Variants in ANKZF1 observed in about 807,000 individuals in gnomAD.
ANKZF1 encodes the protein tRNA endonuclease ANKZF1.
A neutral mutation model predicts 86.0 loss-of-function variants in ANKZF1; 84 were observed. The ratio of observed to expected loss-of-function variants is 0.98; its 90% CI spans 0.82 to 1.17. The LOEUF is 1.17. Among genes scored for constraint, ANKZF1 ranks in the 50% most tolerant of loss-of-function variants. ANKZF1 has a pLI of 0.00. For missense variants in ANKZF1, 893 were observed against 918.4 expected (o/e 0.97, Z 0.36); for synonymous variants, 331 against 354.2 (o/e 0.93, Z 0.74).
rs1950991889 is a variant in ANKZF1, at chr2:219,230,318, G to T, written c.61G>T (p.Ala21Ser). The change falls in exon 2 of 14, where the codon GCG becomes TCG. Residue 21 changes from alanine to serine, a missense_variant. Coordinates refer to ENST00000323348, the MANE Select transcript of ANKZF1 (RefSeq NM_018089.3). ...GTCGATCTCCCTGTTTGACCTCAGC[G>T]CGGATGCTCCGGTCTTTCAGGGCCT... ...PASISLFDLS[A>S]DAPVFQGLSL... is the part of the protein sequence containing the mutation. The T allele has an allele frequency of 3.7e-6, 6 of 1,614,008 alleles. No homozygotes were observed. The highest frequency in any genetic ancestry group is 5.1e-6 in the Non-Finnish European group (6 of 1,180,006).
At chr2:219,234,081 G>A (rs1309020837) in intron 8 of ANKZF1, 52 bp from the exon 9 acceptor site, 4 of 1,584,656 alleles carry the variant, frequency 2.5e-6, no homozygotes, top group African/African-American at 1.4e-5. Context: ...AGAGAAACCT[G>A]CGCTAGCTTC....
intron 5 of ANKZF1, 47 bp downstream of exon 5, chr2:219,232,730 C>A (rs1444205894): frequency 1.9e-6 from 3 of 1,572,252 alleles, no homozygotes; most frequent in South Asian, 2.3e-5. Context: ...CTTTTGTACA[C>A]CCAGCCTAGA....
rs376079232 is a variant in ANKZF1, at chr2:219,235,523, C to T, written c.1741C>T (p.Arg581Cys). 17 of 1,613,798 alleles carry T rather than the reference C, an allele frequency of 1.1e-5. No homozygotes were observed. Among genetic ancestry groups the T allele is most frequent in the South Asian group, 7.7e-5 (7 of 91,078 alleles). ...TACTGTTGCGGCTGACAAATCAACA[C>T]GTAATGAGTTCCGAAGGTTCATGGA... The part of the protein sequence containing the change: ...PYTVAADKST[R>C]NEFRRFMEKN... Residue 581 changes from arginine to cysteine, a missense_variant, in exon 11 of 14, where the codon CGT (arginine) becomes TGT (cysteine). Transcript: ENST00000323348.
chr2:219,233,126 A>C lies in ANKZF1; in HGVS notation c.606A>C (p.Arg202Ser). The change falls in exon 6 of 14, where the codon AGA becomes AGC. Residue 202 changes from arginine to serine, a missense_variant. Arg to Ser is a moderately radical substitution (Grantham distance 110, BLOSUM62 -1). Coordinates refer to ENST00000323348, the MANE Select transcript of ANKZF1 (RefSeq NM_018089.3). The stretch of plus-strand genomic sequence containing the variant: ...TGCTGCTACAGAACCTGCAAAGTAG[A>C]GGTCCCAGAGACTGCGTGGTGCTCA... Reference protein sequence around the residue: ...AELLLQNLQSRGPRDCVVLMA... With the variant: ...AELLLQNLQSSGPRDCVVLMA... The C allele has an allele frequency of 6.2e-7, 1 of 1,614,218 alleles. No homozygotes were observed. Among genetic ancestry groups the C allele is most frequent in the South Asian group, 1.1e-5 (1 of 91,092 alleles).
rs749417107 is a variant in ANKZF1 at position 219,234,179 on chromosome 2, C to T, written c.1095C>T (p.His365=). ...TCAGACTGCACTCACCTCAGACACACTGGAAAACAGTAAGAGAGGAGAGAA... is the reference window on the plus strand; with the variant it reads ...TCAGACTGCACTCACCTCAGACACATTGGAAAACAGTAAGAGAGGAGAGAA... ...EAVRLHSPQT[H]WKTVREERKK... is the part of the protein sequence containing the mutation. The change falls in exon 9 of 14, where the codon CAC becomes CAT. Residue 365 remains histidine, a synonymous_variant. Transcript: ENST00000323348. The T allele has an allele frequency of 1.9e-6, 3 of 1,614,078 alleles. No homozygotes were observed. The highest frequency in any genetic ancestry group is 2.2e-5 in the East Asian group (1 of 44,894).
intron 5 of ANKZF1, 40 bp from the exon 6 acceptor site, chr2:219,233,039 A>G: frequency 6.4e-7 from 1 of 1,573,110 alleles, no homozygotes; most frequent in Non-Finnish European, 8.7e-7. Context: ...GCTCTCAGTG[A>G]ATGCAACAGA....
intron 5 of ANKZF1, 39 bp from the exon 6 acceptor site, chr2:219,233,040 A>G: frequency 6.3e-7 from 1 of 1,580,778 alleles, no homozygotes; most frequent in Non-Finnish European, 8.7e-7. Context: ...CTCTCAGTGA[A>G]TGCAACAGAT....
At position 219,235,240 on chromosome 2, in the gene ANKZF1, A is replaced by C. The variant is rs574591851; in HGVS notation, c.1619A>C (p.His540Pro). 2 of 1,613,322 alleles carry C rather than the reference A, an allele frequency of 1.2e-6. No homozygotes were observed. Among genetic ancestry groups the C allele is most frequent in the African/African-American group, 2.7e-5 (2 of 75,072 alleles). ...GGCTCCGGTGGCTTTACTCTCCTGC[A>C]TGCAGCAGCTGCAGCTGGAAGAGGC... ...PLGSGGFTLL[H>P]AAAAAGRGSV... The change falls in exon 10 of 14, where the codon CAT (histidine) becomes CCT (proline). Residue 540 changes from histidine to proline, a missense_variant. Transcript: ENST00000323348.
chr2:219,233,996 C>T, intron 8 of ANKZF1, 53 bp downstream of exon 8: 1 of 1,530,322 alleles, frequency 6.5e-7, no homozygotes, highest in Non-Finnish European at 8.8e-7. Context: ...TCTCTCCAAC[C>T]TAAGCCTCCA....
At chr2:219,230,059 T>C in intron 1 of ANKZF1, 159 bp downstream of exon 1, 1 of 536,902 alleles carries the variant, frequency 1.9e-6, no homozygotes, top group South Asian at 2.5e-5. Flanking sequence ...GGGCTGAGAC[T>C]GGGGGTTTGA....
chr2:219,230,311 C>T lies in ANKZF1; in HGVS notation c.54C>T (p.Asp18=). 24 of 1,614,134 alleles carry T rather than the reference C, an allele frequency of 1.5e-5. No individual in the cohort carries two copies. Among genetic ancestry groups the T allele is most frequent in the Non-Finnish European group, 2.0e-5 (24 of 1,179,988 alleles). Residue 18 remains aspartate, a synonymous_variant, in exon 2 of 14, where the codon GAC becomes GAT. Transcript: ENST00000323348. ...APAPASISLF[D]LSADAPVFQG... is the part of the protein sequence containing the mutation. ...CTCCTGCGTCGATCTCCCTGTTTGA[C>T]CTCAGCGCGGATGCTCCGGTCTTTC...
At chr2:219,231,889 G>T in intron 2 of ANKZF1, 39 bp from the exon 3 acceptor site, 1 of 1,527,580 alleles carries the variant, frequency 6.5e-7, no homozygotes, top group South Asian at 1.1e-5. Context: ...TGTGGATTTG[G>T]GCTCCCTTTC....
chr2:219,231,808 G>A lies in ANKZF1; in HGVS notation c.149-120G>A, dbSNP rs765915189. 85 of 764,838 alleles carry A rather than the reference G, an allele frequency of 1.1e-4. No individual in the cohort carries two copies. The East Asian group carries it at 2.0e-3, about 18-fold the overall frequency. The allele number at this position is 764,838 out of a possible 1,614,324, so 47.4% of individuals were successfully genotyped here. ...CTATTAGAGTGTAAATTCCTTGAAG[G>A]CAGTATCATGCCATCTCTTTTGTAT... On this transcript the variant is annotated intron_variant, in intron 2 of 13. Coordinates refer to ENST00000323348, the MANE Select transcript of ANKZF1 (RefSeq NM_018089.3).
chr2:219,234,382 T>C (rs2106464115), intron 9 of ANKZF1, 94 bp downstream of exon 9: 2 of 1,480,864 alleles, frequency 1.4e-6, no homozygotes, highest in Non-Finnish European at 1.9e-6. Context: ...CATTTCCTTA[T>C]TTAAACACAC....
In ANKZF1 at chr2:219,232,243, CT is replaced by C; in HGVS notation, c.262-14del. The C allele has an allele frequency of 6.2e-7, 1 of 1,611,962 alleles. No individual in the cohort carries two copies. The highest frequency in any genetic ancestry group is 8.5e-7 in the Non-Finnish European group (1 of 1,178,038). On this transcript the variant is annotated splice_polypyrimidine_tract_variant and intron_variant, in intron 3 of 13. Coordinates refer to ENST00000323348, the MANE Select transcript of ANKZF1 (RefSeq NM_018089.3). ...GGCATATTTCCACCTTTATCTCACT[CT>C]TTGTCTTTGTACTAGAGGGAACATT...
At chr2:219,236,210 G>A in intron 13 of ANKZF1, 112 bp from the exon 14 acceptor site, 1 of 1,602,850 alleles carries the variant, frequency 6.2e-7, no homozygotes, top group Non-Finnish European at 8.5e-7. Context: ...AATTTGGGAT[G>A]TTCTGGCAGA....
At chr2:219,231,833 TC>T in intron 2 of ANKZF1, 94 bp from the exon 3 acceptor site, 1 of 1,015,954 alleles carries the variant, frequency 9.8e-7, no homozygotes. Context: ...CTCTTTTGTA[TC>T]CTCCTCTGCT....
In ANKZF1 at chr2:219,235,530, A is replaced by G; in HGVS notation, c.1748A>G (p.Glu583Gly). ...GCGGCTGACAAATCAACACGTAATG[A>G]GTTCCGAAGGTTCATGGAGAAGAAT... ...TVAADKSTRN[E>G]FRRFMEKNPD... The change falls in exon 11 of 14, where the codon GAG becomes GGG. Residue 583 changes from glutamate to glycine, a missense_variant. Coordinates refer to ENST00000323348, the MANE Select transcript of ANKZF1 (RefSeq NM_018089.3). 1.2e-6 allele frequency: 2 copies of G among 1,614,068 alleles called. No homozygotes were observed. The highest frequency in any genetic ancestry group is 1.7e-6 in the Non-Finnish European group (2 of 1,180,014).
rs773391518 is a variant in ANKZF1 at position 219,233,696 on chromosome 2, G to C, written c.820-19G>C. On this transcript the variant is annotated intron_variant, in intron 7 of 13. Transcript: ENST00000323348. ...ATAGCAAGTGAAGGTATGCAGGACT[G>C]AGTTACTCTCTTCTCTAGGATGTTC... 4 of 1,598,346 alleles carry C rather than the reference G, an allele frequency of 2.5e-6. No individual in the cohort carries two copies. The highest frequency in any genetic ancestry group is 2.2e-5 in the East Asian group (1 of 44,758).
Sources: allele counts gnomAD v4.1 joint callset, GRCh38; gene constraint gnomAD v4.1.1; transcripts MANE v1.5; gene names NCBI Gene and HGNC (gene_info 2026-07-23, HGNC 2026-07-21).